Variants in UBAP2L observed in about 807,000 individuals in gnomAD.
The protein encoded by UBAP2L is ubiquitin associated protein 2 like, also known as ubiquitin-associated protein 2-like.
Under a neutral mutation model 130.6 loss-of-function variants are expected in UBAP2L, and 12 were observed. The observed-to-expected ratio is 0.09, with a 90% CI of 0.06 to 0.15. The LOEUF (loss-of-function observed/expected upper bound fraction) is 0.15, where lower values mean the gene tolerates loss of function less well. Among genes scored for constraint, UBAP2L ranks in the 10% least tolerant of loss-of-function variants. UBAP2L has a pLI of 1.00. For missense variants in UBAP2L, 965 were observed against 1,332.5 expected, an observed-to-expected ratio of 0.72 and a Z score of 4.29; for synonymous variants, 503 against 524.7, an observed-to-expected ratio of 0.96 and a Z score of 0.57.
chr1:154,269,153 C>T (rs975959890), intron 26 of UBAP2L, 199 bp downstream of exon 26: 29 of 862,240 alleles, frequency 3.4e-5, no homozygotes, highest in South Asian at 7.1e-5. Context: ...AGAGAAGGGC[C>T]GGGTTGAAAC....
intron 8 of UBAP2L, among the ~76,000 whole-genome samples, chr1:154,237,992 CT>C (rs1312906828): frequency 1.3e-5 from 2 of 152,080 alleles, no homozygotes; most frequent in Non-Finnish European, 2.9e-5. Context: ...GAGCCTAAGG[CT>C]TTTTTTCCTC....
chr1:154,250,218 C>G (rs1027785113), intron 12 of UBAP2L, among the ~76,000 whole-genome samples: 1 of 152,132 alleles, frequency 6.6e-6, no homozygotes, highest in South Asian at 2.1e-4. Flanking sequence ...ACCACCATGC[C>G]TGGCTAATTT....
At position 154,270,715 on chromosome 1, in the gene UBAP2L, C is replaced by T. The variant is rs28702634; in HGVS notation, c.*420C>T. On this transcript the variant is annotated 3_prime_UTR_variant, in exon 27 of 27. Coordinates refer to ENST00000428931, the MANE Select transcript of UBAP2L (RefSeq NM_014847.4). ...ACAACAACAACAAACAAAAAAATGG[C>T]GTCATGAATATGAACAGCATTGTCA... 1.5e-5 allele frequency: 21 copies of T among 1,402,182 alleles called. No individual in the cohort carries two copies. The highest frequency in any genetic ancestry group is 1.9e-5 in the Non-Finnish European group (21 of 1,084,578). 86.9% of individuals were successfully genotyped at this position (1,402,182 alleles called of 1,614,324 possible).
intron 8 of UBAP2L, among the ~76,000 whole-genome samples, chr1:154,240,581 G>A (rs1044320876): frequency 1.3e-5 from 2 of 151,940 alleles, no homozygotes; most frequent in African/African-American, 4.8e-5. Flanking sequence ...GCTCTATAGG[G>A]GCTTTTCTTA....
At position 154,270,786 on chromosome 1, in the gene UBAP2L, T is replaced by TTG; in HGVS notation, c.*491_*492insTG. 4 of 1,249,168 alleles carry TTG rather than the reference T, an allele frequency of 3.2e-6. No homozygotes were observed. Among genetic ancestry groups the TTG allele is most frequent in the Non-Finnish European group, 4.1e-6 (4 of 969,278 alleles). 77.4% of individuals were successfully genotyped at this position (1,249,168 alleles called of 1,614,324 possible). A position where few individuals can be genotyped will look rare whatever the true frequency, so the allele number is the denominator to read the frequency against. On this transcript the variant is annotated 3_prime_UTR_variant, in exon 27 of 27. Coordinates refer to ENST00000428931, the MANE Select transcript of UBAP2L (RefSeq NM_014847.4). ...TTTTTTTTTGTTTTTTTTTTTTTTT[T>TTG]GTACTGTGTCCTCAAATTTAATGGA... is the stretch of plus-strand genomic sequence containing the variant.
chr1:154,261,249 C>G, intron 23 of UBAP2L, 140 bp downstream of exon 23: 1 of 1,022,214 alleles, frequency 9.8e-7, no homozygotes, highest in Non-Finnish European at 1.4e-6. Context: ...TGGCCTGATG[C>G]AGGGTGGTGG....
chr1:154,229,975 C>T (rs1669281004), intron 4 of UBAP2L, among the ~76,000 whole-genome samples: 1 of 152,098 alleles, frequency 6.6e-6, no homozygotes, highest in Non-Finnish European at 1.5e-5. Context: ...GTGCCTCAGC[C>T]TCCAGAGTAG....
chr1:154,241,956 G>A (rs1456982204), intron 9 of UBAP2L, among the ~76,000 whole-genome samples: 2 of 152,200 alleles, frequency 1.3e-5, no homozygotes, highest in African/African-American at 4.8e-5. Flanking sequence ...GTCCTGTAAT[G>A]GATTGGCAGT....
intron 20 of UBAP2L, chr1:154,257,706 ATG>A: frequency 2.4e-6 from 1 of 422,760 alleles, no homozygotes; most frequent in Non-Finnish European, 4.2e-6. Flanking sequence ...TATAAAATAA[ATG>A]AGGGATTGCC....
rs776006134 is a variant in UBAP2L at position 154,245,611 on chromosome 1, G to A, written c.843-593G>A. Among the ~76,000 whole-genome samples the A allele has an allele frequency of 5.1e-4, 78 of 152,302 alleles. No homozygotes were observed. In the Middle Eastern group the frequency reaches 0.01, roughly 20 times the overall value. On this transcript the variant is annotated intron_variant, in intron 10 of 26. Coordinates refer to ENST00000428931, the MANE Select transcript of UBAP2L (RefSeq NM_014847.4). ...TTTGGCTGAGTTATTGAGCTGCCAT[G>A]TTAAAACTAGCATTTGAGGCCGGGT...
intron 24 of UBAP2L, chr1:154,263,271 T>C: frequency 6.6e-7 from 1 of 1,504,094 alleles, no homozygotes; most frequent in East Asian, 2.5e-5. Context: ...CCTGCGTGGC[T>C]TGGGGAAATG....
chr1:154,259,024 T>C lies in UBAP2L; in HGVS notation c.2490T>C (p.Phe830=), dbSNP rs897537209. The change falls in exon 21 of 27, where the codon TTT becomes TTC. Residue 830 remains phenylalanine, a synonymous_variant. Coordinates refer to ENST00000428931, the MANE Select transcript of UBAP2L (RefSeq NM_014847.4). ...YDDLQMLQTR[F]PLDYYSIPFP... ...ACTTGCAGATGCTTCAGACAAGATT[T>C]CCATTGGTGAGTATGTGGGATAGAG... The C allele has an allele frequency of 1.2e-6, 2 of 1,613,934 alleles. No individual in the cohort carries two copies. The highest frequency in any genetic ancestry group is 1.7e-6 in the Non-Finnish European group (2 of 1,179,854).
chr1:154,265,668 C>T (rs1683033308), intron 24 of UBAP2L, among the ~76,000 whole-genome samples: 1 of 152,004 alleles, frequency 6.6e-6, no homozygotes, highest in African/African-American at 2.4e-5. Context: ...ACATGTTGTA[C>T]TACTCTGGTT....
At chr1:154,238,697 G>A (rs1440069834) in intron 8 of UBAP2L, among the ~76,000 whole-genome samples, 3 of 151,674 alleles carry the variant, frequency 2.0e-5, no homozygotes, top group African/African-American at 7.3e-5. Context: ...AAAAGTGTTG[G>A]TTATAGCTTC....
At chr1:154,269,056 C>T in intron 26 of UBAP2L, 102 bp downstream of exon 26, 1 of 1,344,658 alleles carries the variant, frequency 7.4e-7, no homozygotes, top group Non-Finnish European at 1.0e-6. Flanking sequence ...ACCACCTTCA[C>T]CCAATCCCTC....
rs778118953 is a variant in UBAP2L at position 154,228,697 on chromosome 1, A to G, written c.251A>G (p.Asn84Ser). The G allele has an allele frequency of 6.2e-6, 10 of 1,613,040 alleles. No homozygotes were observed. Among genetic ancestry groups the G allele is most frequent in the East Asian group, 2.2e-5 (1 of 44,866 alleles). Residue 84 changes from asparagine (N) to serine (S), a missense_variant, in exon 4 of 27, where the codon AAT becomes AGT. Physicochemically the swap from Asn to Ser is conservative, Grantham distance 46 (BLOSUM62 1). Transcript: ENST00000428931. ...DCNGDVNRAI[N>S]VLLEGNPDTH... ...AATGGAGATGTCAACAGAGCTATCAATGTTCTTCTGGAAGGAAACCCAGAC... is the reference window on the plus strand; with the variant it reads ...AATGGAGATGTCAACAGAGCTATCAGTGTTCTTCTGGAAGGAAACCCAGAC...
intron 4 of UBAP2L, among the ~76,000 whole-genome samples, chr1:154,233,181 T>C (rs553512576): frequency 9.9e-5 from 15 of 151,842 alleles, no homozygotes; most frequent in Non-Finnish European, 1.6e-4. Flanking sequence ...GCCCAGCTAA[T>C]TTTTTGTATT....
chr1:154,236,667 C>T, intron 7 of UBAP2L, 56 bp downstream of exon 7: 6 of 1,571,232 alleles, frequency 3.8e-6, no homozygotes, highest in Non-Finnish European at 5.3e-6. Context: ...TTACTGTAGG[C>T]AGCCTTAACC....
intron 8 of UBAP2L, among the ~76,000 whole-genome samples, chr1:154,240,965 A>G (rs1464249375): frequency 8.7e-6 from 1 of 114,428 alleles, no homozygotes; most frequent in African/African-American, 3.4e-5. Context: ...CCTGCTTTGT[A>G]ACAAAAACTG....
Sources: allele counts gnomAD v4.1 joint callset (sites outside exome capture counted in the v4.1 genomes callset), GRCh38; gene constraint gnomAD v4.1.1; transcripts MANE v1.5; gene names NCBI Gene and HGNC (gene_info 2026-07-23, HGNC 2026-07-21).